Variants in IAH1 observed in about 807,000 individuals in gnomAD.
IAH1 encodes isoamyl acetate hydrolyzing esterase 1 (putative), also known as isoamyl acetate-hydrolyzing esterase 1 homolog.
In IAH1, 24 loss-of-function variants were observed where a neutral mutation model predicts 26.7. The observed-to-expected ratio is 0.90, with a 90% CI of 0.65 to 1.26. IAH1 has a LOEUF of 1.26. Among genes scored for constraint, IAH1 ranks in the 50% most tolerant of loss-of-function variants. The pLI, the probability that IAH1 is intolerant of heterozygous loss-of-function variation, is 0.00. For missense variants in IAH1, 300 were observed against 299.9 expected, an observed-to-expected ratio of 1.00 and a Z score of 0.00; for synonymous variants, 140 against 118.5, an observed-to-expected ratio of 1.18 and a Z score of -1.18.
chr2:9,474,532 GC>G (rs780064851), upstream of IAH1: 28 of 1,290,886 alleles, frequency 2.2e-5, no homozygotes, highest in Middle Eastern at 2.8e-4. The surrounding 1 kb of genome is among the most constrained non-coding windows in gnomAD (Gnocchi z 4.3). Flanking sequence ...GCCTCTCGTG[GC>G]TGGCGGCCCC....
intron 2 of IAH1, among the ~76,000 whole-genome samples, chr2:9,476,300 G>T (rs1660785672): frequency 6.6e-6 from 1 of 152,238 alleles, no homozygotes; most frequent in Non-Finnish European, 1.5e-5. Flanking sequence ...CCCTAGTCAG[G>T]GGCAGACAGA....
upstream of IAH1, chr2:9,474,539 G>GCCCC: frequency 7.6e-7 from 1 of 1,316,322 alleles, no homozygotes; most frequent in Non-Finnish European, 9.8e-7. This position sits in a 1 kb window ranked among gnomAD's most constrained non-coding sequence, Gnocchi z 4.3. Context: ...GTGGCTGGCG[G>GCCCC]CCCCGCCCCG....
downstream of IAH1, chr2:9,492,986 C>G (rs745903113): frequency 6.2e-7 from 1 of 1,608,252 alleles, no homozygotes; most frequent in South Asian, 1.1e-5. Context: ...TAAAAACTTT[C>G]CTGTGAACAA....
intron 5 of IAH1, among the ~76,000 whole-genome samples, chr2:9,487,833 T>TGTGTGTGTGTGTGTGCGC (rs1192269311): frequency 2.4e-5 from 2 of 82,706 alleles, no homozygotes; most frequent in Non-Finnish European, 5.2e-5. Flanking sequence ...TGTGTGTGTG[T>TGTGTGTGTGTGTGTGCGC]GCGCGCGCGC....
At chr2:9,493,577 ATC>A, downstream of IAH1, among the ~76,000 whole-genome samples, 1 of 152,298 alleles carries the variant, frequency 6.6e-6, no homozygotes, top group African/African-American at 2.4e-5. Context: ...GGGACAGACT[ATC>A]TATGAGTTCA....
Position 9,474,580 on chromosome 2 carries a change from AGGCCGCG to A in IAH1, c.18_24del (p.Cys9ValfsTer40), listed in dbSNP as rs1558472136. On this transcript the variant is annotated frameshift_variant, in exon 1 of 6. Transcript: ENST00000497473. LOFTEE classifies it high-confidence loss of function. This position sits in a 1 kb window ranked among gnomAD's most constrained non-coding sequence, Gnocchi z 4.3. ...CCCGGCTGCTCCATGGCGCTGTGCG[AGGCCGCG>A]GGCTGCGGGAGTGCCCTGCTCTGGC... is the stretch of plus-strand genomic sequence containing the variant. The A allele has an allele frequency of 1.7e-5, 25 of 1,480,682 alleles. No individual in the cohort carries two copies. The highest frequency in any genetic ancestry group is 2.2e-5 in the Non-Finnish European group (24 of 1,105,778). The allele number at this position is 1,480,682 out of a possible 1,614,324, so 91.7% of individuals were successfully genotyped here.
In IAH1 at chr2:9,474,606, C is replaced by T; in HGVS notation, c.40C>T (p.Leu14Phe). 1 of 1,552,842 alleles carries T rather than the reference C, an allele frequency of 6.4e-7. No homozygotes were observed. Among genetic ancestry groups the T allele is most frequent in the Non-Finnish European group, 8.7e-7 (1 of 1,154,342 alleles). Residue 14 changes from leucine (L) to phenylalanine (F), a missense_variant, in exon 1 of 6, where the codon CTC becomes TTC. Physicochemically the swap from Leu to Phe is conservative, Grantham distance 22. Transcript: ENST00000497473. The surrounding 1 kb of genome is among the most constrained non-coding windows in gnomAD (Gnocchi z 4.3). ...GGCCGCGGGCTGCGGGAGTGCCCTG[C>T]TCTGGCCTCGCTTGTTGCTCTTCGG... ...CEAAGCGSAL[L>F]WPRLLLFGDS...
downstream of IAH1, chr2:9,493,695 C>T (rs530603203): frequency 2.7e-6 from 4 of 1,488,180 alleles, no homozygotes; most frequent in South Asian, 4.6e-5. Context: ...TTTCTAATGT[C>T]ATCACAGAAA....
rs1358196443 is a variant in IAH1, at chr2:9,487,825, TGTGTGTGTGC to T, written c.565-320_565-311del. 8.5e-3 allele frequency among the ~76,000 whole-genome samples: 903 copies of T among 106,180 alleles called. 9 individuals are homozygous for T. Among genetic ancestry groups the T allele is most frequent in the African/African-American group, 0.031 (826 of 26,394 alleles). 69.7% of individuals were successfully genotyped at this position (106,180 alleles called of 152,430 possible). On this transcript the variant is annotated intron_variant, in intron 5 of 5. Transcript: ENST00000497473. ...GTGTGTGTGTGTGTGTGTGTGTGTG[TGTGTGTGTGC>T]GCGCGCGCGCGCGCGCTGTGGGGGG...
intron 3 of IAH1, among the ~76,000 whole-genome samples, chr2:9,480,718 T>A (rs6707688): frequency 0.098 from 14,972 of 152,216 alleles, 899 homozygotes; most frequent in African/African-American, 0.17. Flanking sequence ...ATGACCCTTG[T>A]AATACTTCAG....
chr2:9,511,765 G>T, the IAH1 span, among the ~76,000 whole-genome samples: 2 of 152,144 alleles, frequency 1.3e-5, no homozygotes, highest in African/African-American at 4.8e-5. Context: ...GAGGTCAGGA[G>T]TTCCAGACCA....
At chr2:9,476,591 G>A (rs1022664855) in intron 2 of IAH1, among the ~76,000 whole-genome samples, 3 of 152,212 alleles carry the variant, frequency 2.0e-5, no homozygotes, top group African/African-American at 7.2e-5. Flanking sequence ...AGCAAAGGGA[G>A]ATGGGTAGGG....
At chr2:9,505,089 C>CT in the IAH1 span, 3 of 1,479,944 alleles carry the variant, frequency 2.0e-6, no homozygotes, top group East Asian at 2.3e-5. Context: ...TCTAAAGCCC[C>CT]TGCAAGTTCA....
chr2:9,488,065 G>A (rs974932951), intron 5 of IAH1, 82 bp from the exon 6 acceptor site: 16 of 917,150 alleles, frequency 1.7e-5, no homozygotes, highest in Admixed American at 2.8e-5. Context: ...AGTAATCCTC[G>A]GCCCCAAAGT....
downstream of IAH1, among the ~76,000 whole-genome samples, chr2:9,492,322 C>T (rs1662221040): frequency 6.6e-6 from 1 of 152,168 alleles, no homozygotes; most frequent in Non-Finnish European, 1.5e-5. Flanking sequence ...TTATAAAGGA[C>T]CAGGAGTTCC....
chr2:9,474,035 A>G (rs1572822152), upstream of IAH1: 1 of 152,278 alleles, frequency 6.6e-6, no homozygotes, highest in East Asian at 1.9e-4. The surrounding 1 kb of genome is among the most constrained non-coding windows in gnomAD (Gnocchi z 4.3). Flanking sequence ...CTGCGCGCGC[A>G]CTGAAGGTGC....
Position 9,488,398 on chromosome 2 carries a change from CT to C in IAH1, c.*75del. On this transcript the variant is annotated 3_prime_UTR_variant, in exon 6 of 6. Coordinates refer to ENST00000497473, the MANE Select transcript of IAH1 (RefSeq NM_001039613.3). ...AAAGTTGTCAATACGTAGAGGTACG[CT>C]TTTTTCCTCAGGCTTAAACCTTTGC... 8.0e-7 allele frequency: 1 copy of C among 1,246,756 alleles called. No individual in the cohort carries two copies. 77.2% of individuals were successfully genotyped at this position (1,246,756 alleles called of 1,614,324 possible).
At chr2:9,483,468 A>G (rs764055042) in intron 4 of IAH1, among the ~76,000 whole-genome samples, 1 of 152,176 alleles carries the variant, frequency 6.6e-6, no homozygotes, top group Non-Finnish European at 1.5e-5. Flanking sequence ...TGAATTTTAT[A>G]AACAATTGAT....
chr2:9,489,259 A>ATTTTTTT lies in IAH1; in HGVS notation c.*948_*954dup, dbSNP rs34525911. ...AATATTCTAGGTTTGTAGATAGTGAATTTTTTTTTTTTTTTTTTTTTTTTG... is the reference window on the plus strand; with the variant it reads ...AATATTCTAGGTTTGTAGATAGTGAATTTTTTTTTTTTTTTTTTTTTTTTTTTTTTTG... On this transcript the variant is annotated 3_prime_UTR_variant, in exon 6 of 6. Transcript: ENST00000497473. 341 of 87,388 alleles carry ATTTTTTT rather than the reference A, an allele frequency of 3.9e-3. 33 individuals are homozygous for ATTTTTTT. Among genetic ancestry groups the ATTTTTTT allele is most frequent in the African/African-American group, 0.021 (325 of 15,518 alleles). 5.4% of individuals were successfully genotyped at this position (87,388 alleles called of 1,614,324 possible).
Sources: gnomAD v4.1 joint callset for allele counts (sites outside exome capture counted in the v4.1 genomes callset) on GRCh38, gnomAD v4.1.1 for gene constraint, Gnocchi (gnomAD v3.1) non-coding constraint, MANE v1.5 for transcripts, NCBI Gene and HGNC (gene_info 2026-07-23, HGNC 2026-07-21) for gene names.